Variants in CFAP47 observed in about 807,000 individuals in gnomAD.
CFAP47 encodes the protein cilia- and flagella-associated protein 47.
CFAP47 carries 29 observed loss-of-function variants against 148.1 expected under a neutral mutation model. The observed-to-expected ratio is 0.20, with a 90% CI of 0.15 to 0.27. The LOEUF (loss-of-function observed/expected upper bound fraction) is 0.27. Among genes scored for constraint, CFAP47 ranks in the 10% least tolerant of loss-of-function variants. CFAP47 has a pLI of 1.00. For missense variants in CFAP47, 1,872 were observed against 1,697.5 expected (o/e 1.10, Z -1.81); for synonymous variants, 664 against 577.3 (o/e 1.15, Z -2.15).
chrX:36,250,993 G>A (rs1940684509), intron 48 of CFAP47, among the ~76,000 whole-genome samples: 1 of 111,142 alleles, frequency 9.0e-6, no homozygotes, highest in Admixed American at 9.6e-5. Flanking sequence ...ATATCAAACT[G>A]CCTAAAGACA....
At chrX:36,369,355 T>C (rs1296765696) in intron 62 of CFAP47, among the ~76,000 whole-genome samples, 13 of 111,063 alleles carry the variant, frequency 1.2e-4, no homozygotes, top group Admixed American at 1.1e-3. Flanking sequence ...CTCAATAGGG[T>C]ATTTTCTAAA....
intron 51 of CFAP47, among the ~76,000 whole-genome samples, chrX:36,289,919 A>C: frequency 9.0e-6 from 1 of 110,565 alleles, no homozygotes; most frequent in Non-Finnish European, 1.9e-5. Context: ...TAAAGGGAAA[A>C]GGTTGTGTGT....
At chrX:36,332,005 A>G (rs782435825) in intron 57 of CFAP47, among the ~76,000 whole-genome samples, 1 of 112,317 alleles carries the variant, frequency 8.9e-6, no homozygotes, top group East Asian at 2.8e-4. Flanking sequence ...GCTATCTGGT[A>G]CACTTTAAAT....
intron 3 of CFAP47, among the ~76,000 whole-genome samples, chrX:35,943,775 T>C (rs1366420277): frequency 8.9e-6 from 1 of 111,960 alleles, no homozygotes; most frequent in African/African-American, 3.2e-5. Context: ...TGAATTAAAA[T>C]CATTTCTTCC....
intron 57 of CFAP47, among the ~76,000 whole-genome samples, chrX:36,329,142 A>C (rs1188455330): frequency 8.9e-6 from 1 of 111,822 alleles, no homozygotes; most frequent in Non-Finnish European, 1.9e-5. Context: ...GAAAATACTA[A>C]TATTACAGTG....
chrX:36,158,429 A>G (rs1342131937), intron 37 of CFAP47, among the ~76,000 whole-genome samples: 13 of 112,354 alleles, frequency 1.2e-4, no homozygotes, highest in Non-Finnish European at 5.6e-5. Flanking sequence ...TTAAACAGTG[A>G]AAGCATGAGT....
chrX:36,322,274 T>C (rs1556012137), intron 57 of CFAP47, among the ~76,000 whole-genome samples: 1 of 111,310 alleles, frequency 9.0e-6, no homozygotes, highest in East Asian at 2.8e-4. Context: ...TCTGGTGTCT[T>C]TAAATGATTT....
intron 2 of CFAP47, among the ~76,000 whole-genome samples, chrX:35,927,880 G>A (rs900305629): frequency 9.1e-6 from 1 of 109,668 alleles, no homozygotes; most frequent in Non-Finnish European, 1.9e-5. Flanking sequence ...ACACTATGTA[G>A]CCTTCTGTTT....
chrX:35,987,726 G>T (rs1371638169), intron 15 of CFAP47, among the ~76,000 whole-genome samples: 7 of 111,740 alleles, frequency 6.3e-5, no homozygotes, highest in Non-Finnish European at 1.3e-4. Context: ...GAAACCTAGG[G>T]CTCTGGTGGC....
At chrX:36,211,565 GA>G in intron 45 of CFAP47, 1 of 298,109 alleles carries the variant, frequency 3.4e-6, no homozygotes. Flanking sequence ...CTGTGAAGCT[GA>G]AGGAAAAATA....
intron 25 of CFAP47, among the ~76,000 whole-genome samples, chrX:36,044,308 T>C (rs1347018659): frequency 8.8e-6 from 1 of 113,314 alleles, no homozygotes; most frequent in Non-Finnish European, 1.9e-5. Context: ...CTTGAATTCC[T>C]CTTCAGAAAA....
chrX:35,938,726 C>T (rs1935954439), intron 2 of CFAP47, among the ~76,000 whole-genome samples: 3 of 111,509 alleles, frequency 2.7e-5, no homozygotes, highest in Admixed American at 1.9e-4. Flanking sequence ...GTAGTAATAT[C>T]TCTCAATTTT....
intron 36 of CFAP47, among the ~76,000 whole-genome samples, chrX:36,148,315 G>A (rs1384494572): frequency 3.6e-5 from 4 of 111,371 alleles, no homozygotes; most frequent in Non-Finnish European, 5.7e-5. Flanking sequence ...AGATACTGAA[G>A]GTGTGGAATT....
At chrX:36,130,428 A>G (rs1938926029) in intron 33 of CFAP47, among the ~76,000 whole-genome samples, 1 of 111,300 alleles carries the variant, frequency 9.0e-6, no homozygotes, top group Admixed American at 9.6e-5. Flanking sequence ...GCAATAAAAA[A>G]TGCTGGTGAG....
intron 41 of CFAP47, 121 bp from the exon 42 acceptor site, chrX:36,189,930 A>T: frequency 7.0e-6 from 2 of 286,144 alleles, no homozygotes; most frequent in Non-Finnish European, 1.2e-5. Flanking sequence ...ACAAATGTAC[A>T]TATCATCTTC....
chrX:36,374,898 C>T lies in CFAP47; in HGVS notation c.9186-4452C>T, dbSNP rs960200344. ...TCAGTATAATGAAACCAAACTGGCA[C>T]AATGGAATCAGATTATTCTGCCGTT... On this transcript the variant is annotated intron_variant, in intron 62 of 63. Transcript: ENST00000378653. 6.7e-6 allele frequency: 5 copies of T among 744,087 alleles called. No homozygotes were observed. The East Asian group carries it at 1.3e-4, about 19-fold the overall frequency. 61.3% of individuals were successfully genotyped at this position (744,087 alleles called of 1,213,427 possible). A position where few individuals can be genotyped will look rare whatever the true frequency, so the allele number is the denominator to read the frequency against.
intron 48 of CFAP47, among the ~76,000 whole-genome samples, chrX:36,243,698 G>A (rs1269627449): frequency 1.2e-5 from 1 of 85,237 alleles, no homozygotes; most frequent in East Asian, 3.9e-4. Context: ...TTCAATATTC[G>A]AGCATCCAGA....
At chrX:35,970,484 A>C (rs1936473009) in intron 10 of CFAP47, among the ~76,000 whole-genome samples, 1 of 111,442 alleles carries the variant, frequency 9.0e-6, no homozygotes, top group African/African-American at 3.3e-5. Flanking sequence ...CAAATTGCCT[A>C]ACTGACTAAT....
rs183262961 is a variant in CFAP47 at position 36,012,244 on chromosome X, A to G, written c.3418-2530A>G. ...GAGTGTAAATTAGTTCAACCATTGT[A>G]GAAGACAGTGTGACGATTTCTCAAG... On this transcript the variant is annotated intron_variant, in intron 21 of 63. Transcript: ENST00000378653. Among the ~76,000 whole-genome samples the G allele has an allele frequency of 1.2e-4, 13 of 111,734 alleles. No individual in the cohort carries two copies. In the East Asian group the frequency reaches 3.7e-3, roughly 32 times the overall value.
Sources: allele counts gnomAD v4.1 joint callset (sites outside exome capture counted in the v4.1 genomes callset), GRCh38; gene constraint gnomAD v4.1.1; transcripts MANE v1.5; gene names NCBI Gene and HGNC (gene_info 2026-07-23, HGNC 2026-07-21).